Variants in SLC9D1 observed in about 807,000 individuals in gnomAD.
SLC9D1 encodes the protein putative LAG1-interacting protein.
chr13:113,537,904 C>T, the SLC9D1 span, among the ~76,000 whole-genome samples: 2 of 152,052 alleles, frequency 1.3e-5, no homozygotes, highest in Non-Finnish European at 2.9e-5. Flanking sequence ...TGTGTGCGTG[C>T]ATGTGCATGT....
At chr13:113,517,850 C>G in the SLC9D1 span, among the ~76,000 whole-genome samples, 172 of 149,532 alleles carry the variant, frequency 1.2e-3, no homozygotes, top group African/African-American at 3.8e-3. Flanking sequence ...GGTTTACAGA[C>G]CTCCTTGTGG....
the SLC9D1 span, among the ~76,000 whole-genome samples, chr13:113,516,667 G>A: frequency 1.2e-4 from 18 of 152,016 alleles, no homozygotes; most frequent in African/African-American, 4.3e-4. Context: ...CCACAGCAGC[G>A]GCCTCAGTCA....
At chr13:113,502,989 C>T in the SLC9D1 span, among the ~76,000 whole-genome samples, 2 of 152,216 alleles carry the variant, frequency 1.3e-5, no homozygotes, top group African/African-American at 4.8e-5. Flanking sequence ...GGACAGGGCT[C>T]GCCTTGGCAG....
the SLC9D1 span, chr13:113,500,177 C>T: frequency 1.5e-6 from 2 of 1,358,206 alleles, no homozygotes; most frequent in Admixed American, 2.6e-5. Context: ...GGATGCCTGC[C>T]TTCCCCCAAT....
the SLC9D1 span, chr13:113,527,356 G>A: frequency 1.2e-3 from 180 of 151,964 alleles, no homozygotes; most frequent in African/African-American, 4.0e-3. Context: ...TTCTTTCATG[G>A]TTAATCTGCT....
chr13:113,503,531 G>A, the SLC9D1 span: 180,613 of 1,611,696 alleles, frequency 0.11, 11,094 homozygotes, highest in Non-Finnish European at 0.12. Flanking sequence ...GAGAATTTGG[G>A]GTGTTTTTTA....
the SLC9D1 span, chr13:113,495,662 G>A: frequency 6.2e-7 from 1 of 1,605,856 alleles, no homozygotes; most frequent in Non-Finnish European, 8.5e-7. Flanking sequence ...AGCACGAGGA[G>A]GTGGCGCAGC....
chr13:113,545,853 C>T, the SLC9D1 span: 1 of 152,888 alleles, frequency 6.5e-6, no homozygotes, highest in Admixed American at 6.5e-5. Flanking sequence ...GGTGGAGGCT[C>T]AGGGCGTGCT....
the SLC9D1 span, among the ~76,000 whole-genome samples, chr13:113,502,179 G>A: frequency 1.3e-5 from 2 of 152,314 alleles, no homozygotes; most frequent in East Asian, 1.9e-4. Flanking sequence ...CGTGCTGAAT[G>A]TAACCAAAGT....
At chr13:113,506,656 G>C in the SLC9D1 span, among the ~76,000 whole-genome samples, 1 of 152,064 alleles carries the variant, frequency 6.6e-6, no homozygotes, top group African/African-American at 2.4e-5. Flanking sequence ...AGTTCTGGCT[G>C]TGCAGCAGAG....
chr13:113,523,420 G>C, the SLC9D1 span, among the ~76,000 whole-genome samples: 3 of 152,144 alleles, frequency 2.0e-5, no homozygotes, highest in Non-Finnish European at 2.9e-5. Flanking sequence ...CTCTGTCTCA[G>C]TTGTCAGATT....
At chr13:113,520,665 C>T in the SLC9D1 span, 26 of 1,613,960 alleles carry the variant, frequency 1.6e-5, no homozygotes, top group Admixed American at 2.5e-4. Flanking sequence ...TGACGCAGGA[C>T]GTGCAGCTCG....
chr13:113,507,948 G>A, the SLC9D1 span, among the ~76,000 whole-genome samples: 3 of 152,252 alleles, frequency 2.0e-5, no homozygotes, highest in African/African-American at 7.2e-5. Context: ...CAGCCCACAG[G>A]CAGCCATCTG....
chr13:113,514,655 T>G, the SLC9D1 span, among the ~76,000 whole-genome samples: 1 of 146,652 alleles, frequency 6.8e-6, no homozygotes, highest in Non-Finnish European at 1.5e-5. Flanking sequence ...CAGGAAGACA[T>G]GAGCCTCGCT....
the SLC9D1 span, among the ~76,000 whole-genome samples, chr13:113,522,820 C>T: frequency 5.7e-4 from 86 of 152,108 alleles, no homozygotes; most frequent in South Asian, 1.2e-3. Flanking sequence ...TTAGTAGAGA[C>T]AGGGTTTCAC....
At chr13:113,504,832 G>A in the SLC9D1 span, 1 of 152,132 alleles carries the variant, frequency 6.6e-6, no homozygotes, top group East Asian at 1.9e-4. Flanking sequence ...CCCTGGCAGT[G>A]GGGTTGCTGG....
the SLC9D1 span, among the ~76,000 whole-genome samples, chr13:113,544,477 G>A: frequency 2.0e-5 from 3 of 152,250 alleles, no homozygotes; most frequent in South Asian, 6.2e-4. Flanking sequence ...CCCAAGGCCT[G>A]CTCACCACCT....
chr13:113,505,624 A>G, the SLC9D1 span: 4 of 152,392 alleles, frequency 2.6e-5, no homozygotes, highest in African/African-American at 9.6e-5. Flanking sequence ...CATGGGGGAA[A>G]AATGGGAAAG....
chr13:113,539,431 C>T, the SLC9D1 span: 14 of 1,613,572 alleles, frequency 8.7e-6, no homozygotes, highest in African/African-American at 5.3e-5. The surrounding 1 kb of genome is among the most constrained non-coding windows in gnomAD (Gnocchi z 4.8). Context: ...CTCAGGGCCC[C>T]GTGGTCACCG....
Sources: allele counts gnomAD v4.1 joint callset (sites outside exome capture counted in the v4.1 genomes callset), GRCh38; gene constraint gnomAD v4.1.1; non-coding constraint Gnocchi (gnomAD v3.1); transcripts MANE v1.5; gene names NCBI Gene and HGNC (gene_info 2026-07-23, HGNC 2026-07-21).